Variants in HCRTR2 observed in about 807,000 individuals in gnomAD.
The protein encoded by HCRTR2 is hypocretin receptor 2.
HCRTR2 carries 22 observed loss-of-function variants against 49.0 expected under a neutral mutation model. That is an observed-to-expected ratio of 0.45 (90% confidence interval 0.32 to 0.64). The LOEUF is 0.64. Among genes scored for constraint, HCRTR2 ranks in the 30% least tolerant of loss-of-function variants. The pLI is 0.04. For synonymous variants in HCRTR2, 236 were observed against 205.3 expected, an observed-to-expected ratio of 1.15 and a Z score of -1.28; for missense variants, 491 against 559.4, an observed-to-expected ratio of 0.88 and a Z score of 1.23.
chr6:55,169,541 A>C (rs2127266482), upstream of HCRTR2, among the ~76,000 whole-genome samples: 1 of 151,342 alleles, frequency 6.6e-6, no homozygotes, highest in African/African-American at 2.4e-5. Context: ...AAATGTCTAG[A>C]CCCCCTGTGA....
chr6:55,195,692 C>A (rs1312492697), intron 1 of HCRTR2, among the ~76,000 whole-genome samples: 1 of 152,058 alleles, frequency 6.6e-6, no homozygotes, highest in Admixed American at 6.5e-5. Context: ...GTATTCATGG[C>A]CGGGCGTGGT....
At chr6:55,159,674 A>T (rs570826199) in intron 1 of HCRTR2, among the ~76,000 whole-genome samples, 1 of 152,340 alleles carries the variant, frequency 6.6e-6, no homozygotes, top group South Asian at 2.1e-4. Context: ...CTATAGCACA[A>T]GAACTTCGTG....
chr6:55,165,904 G>A (rs1305387306), intron 1 of HCRTR2, among the ~76,000 whole-genome samples: 2 of 151,496 alleles, frequency 1.3e-5, no homozygotes, highest in African/African-American at 2.4e-5. Context: ...ATCAAAAGAT[G>A]CTCATCATCT....
intron 1 of HCRTR2, chr6:55,240,679 TC>T: frequency 3.8e-6 from 1 of 264,624 alleles, no homozygotes; most frequent in South Asian, 3.5e-5. Flanking sequence ...GGAAAATGCC[TC>T]AGGATTTGGT....
At chr6:55,175,786 A>G (rs1447813324) in intron 1 of HCRTR2, among the ~76,000 whole-genome samples, 3 of 152,036 alleles carry the variant, frequency 2.0e-5, no homozygotes. Context: ...ATACCTCCAG[A>G]AAAGGGGCTT....
chr6:55,126,020 CT>C (rs1169715662), intron 1 of HCRTR2, among the ~76,000 whole-genome samples: 2 of 151,984 alleles, frequency 1.3e-5, no homozygotes, highest in East Asian at 1.9e-4. Flanking sequence ...TTACTCTAGC[CT>C]TTTTTCAAGG....
chr6:55,249,501 A>G (rs1340125606), intron 2 of HCRTR2, among the ~76,000 whole-genome samples: 1 of 152,134 alleles, frequency 6.6e-6, no homozygotes, highest in Non-Finnish European at 1.5e-5. Context: ...GGTTGCTGTG[A>G]CCATTTACTT....
chr6:55,223,452 A>T (rs533786433), intron 1 of HCRTR2, among the ~76,000 whole-genome samples: 1 of 152,326 alleles, frequency 6.6e-6, no homozygotes, highest in Non-Finnish European at 1.5e-5. Context: ...TTAACACTAC[A>T]AAAGAGAAGA....
At chr6:55,130,611 A>T (rs1229674187) in intron 1 of HCRTR2, among the ~76,000 whole-genome samples, 1 of 151,858 alleles carries the variant, frequency 6.6e-6, no homozygotes, top group African/African-American at 2.4e-5. Context: ...CTCTACTTAC[A>T]ATATTTCAAT....
At chr6:55,190,343 A>G (rs1196050348) in intron 1 of HCRTR2, among the ~76,000 whole-genome samples, 1 of 152,164 alleles carries the variant, frequency 6.6e-6, no homozygotes, top group East Asian at 1.9e-4. Flanking sequence ...AGGAGTCCAC[A>G]CTTTCATGCC....
chr6:55,133,019 A>G (rs1764380615), intron 1 of HCRTR2, among the ~76,000 whole-genome samples: 1 of 151,816 alleles, frequency 6.6e-6, no homozygotes, highest in Non-Finnish European at 1.5e-5. Flanking sequence ...GATAGCTGAT[A>G]ATCTCAAAGT....
intron 6 of HCRTR2, among the ~76,000 whole-genome samples, chr6:55,281,597 C>T (rs1301403202): frequency 6.6e-6 from 1 of 152,180 alleles, no homozygotes; most frequent in African/African-American, 2.4e-5. Flanking sequence ...GCAATACTGC[C>T]ATTCACACTA....
chr6:55,199,746 A>C (rs1328239695), intron 1 of HCRTR2, among the ~76,000 whole-genome samples: 2 of 152,186 alleles, frequency 1.3e-5, no homozygotes, highest in Admixed American at 1.3e-4. Context: ...AAAGCTGGCG[A>C]AAAAGGCTTC....
chr6:55,120,064 A>G (rs1581781605), intron 1 of HCRTR2, among the ~76,000 whole-genome samples: 1 of 152,282 alleles, frequency 6.6e-6, no homozygotes, highest in East Asian at 1.9e-4. Context: ...CAGGTTTGTC[A>G]AAGATCAGAT....
At chr6:55,264,145 C>A (rs1267694097) in intron 4 of HCRTR2, among the ~76,000 whole-genome samples, 1 of 151,996 alleles carries the variant, frequency 6.6e-6, no homozygotes, top group African/African-American at 2.4e-5. Context: ...AGGAATAACA[C>A]TAATTTCGCT....
rs140842477 is a variant in HCRTR2 at position 55,144,487 on chromosome 6, G to A, written c.-377-29724G>A. ...TCAAATATTGGTGGTCTACAGCAGC[G>A]GTCCCCAAACTTCTTGGTACCAGGG... On this transcript the variant is annotated intron_variant, in intron 1 of 7. Coordinates refer to the HCRTR2 transcript ENST00000615358. Among the ~76,000 whole-genome samples, 31 of 152,102 alleles carry A rather than the reference G, an allele frequency of 2.0e-4. No individual in the cohort carries two copies. The East Asian group carries it at 5.6e-3, about 28-fold the overall frequency.
At chr6:55,189,042 A>C (rs1235845489) in intron 1 of HCRTR2, among the ~76,000 whole-genome samples, 2 of 152,202 alleles carry the variant, frequency 1.3e-5, no homozygotes, top group Middle Eastern at 3.2e-3. Context: ...ATAATACACA[A>C]GTTTTTAAAC....
chr6:55,193,980 G>A (rs1344875005), intron 1 of HCRTR2, among the ~76,000 whole-genome samples: 2 of 151,880 alleles, frequency 1.3e-5, no homozygotes, highest in African/African-American at 4.8e-5. Flanking sequence ...ACTGAATAAA[G>A]ATTTTTTTTT....
chr6:55,245,503 A>ATC (rs1554181934), intron 1 of HCRTR2, among the ~76,000 whole-genome samples: 6,965 of 124,438 alleles, frequency 0.056, 511 homozygotes, highest in Non-Finnish European at 0.08. Flanking sequence ...ATATATATAT[A>ATC]TATCTTCCCC....
Sources: allele counts gnomAD v4.1 joint callset (sites outside exome capture counted in the v4.1 genomes callset), GRCh38; gene constraint gnomAD v4.1.1; transcripts MANE v1.5; gene names NCBI Gene and HGNC (gene_info 2026-07-23, HGNC 2026-07-21).